Variants in COL4A4 observed in about 807,000 individuals in gnomAD.
The protein encoded by COL4A4 is collagen alpha-4(IV) chain.
A neutral mutation model predicts 192.9 loss-of-function variants in COL4A4; 105 were observed. That is an observed-to-expected ratio of 0.54 (90% CI 0.46 to 0.64). The LOEUF is 0.64. Ranked by LOEUF, COL4A4 falls within the 30% of genes least tolerant of loss-of-function variation. The probability of loss-of-function intolerance (pLI) is 0.00; values close to 1 mark genes in which losing one functional copy is unlikely to be tolerated. For missense variants in COL4A4, 1,967 were observed against 2,169.3 expected, an observed-to-expected ratio of 0.91 and a Z score of 1.85; for synonymous variants, 762 against 769.9, an observed-to-expected ratio of 0.99 and a Z score of 0.17.
At chr2:227,142,111 A>C (rs911071556) in intron 3 of COL4A4, among the ~76,000 whole-genome samples, 31 of 150,698 alleles carry the variant, frequency 2.1e-4, no homozygotes, top group East Asian at 1.2e-3. Flanking sequence ...AAAAAAAAAA[A>C]AAAAAAACAG....
intron 4 of COL4A4, among the ~76,000 whole-genome samples, chr2:227,137,348 G>T (rs2062888149): frequency 6.6e-6 from 1 of 152,174 alleles, no homozygotes; most frequent in South Asian, 2.1e-4. Flanking sequence ...CCCAGCAGTT[G>T]GTACCTTCGT....
rs115754830 is a variant in COL4A4, at chr2:227,047,677, T to C, written c.3215-128A>G. ...ATTTTAGGAGAGTGTTTTTAAATACTTTTATTCTAAATAAGAACAAATAGA... is the reference window on the plus strand; with the variant it reads ...ATTTTAGGAGAGTGTTTTTAAATACCTTTATTCTAAATAAGAACAAATAGA... On this transcript the variant is annotated intron_variant, in intron 34 of 47. Coordinates refer to ENST00000396625, the MANE Select transcript of COL4A4 (RefSeq NM_000092.5). The C allele has an allele frequency of 1.9e-3, 1,290 of 670,458 alleles. 16 individuals are homozygous for C. In the African/African-American group the frequency reaches 0.02, roughly 11 times the overall value. The allele number at this position is 670,458 out of a possible 1,614,324, so 41.5% of individuals were successfully genotyped here.
In COL4A4 at chr2:227,150,276, G is replaced by A. The variant is rs139226757; in HGVS notation, c.-101-2692C>T. 2.0e-5 allele frequency among the ~76,000 whole-genome samples: 3 copies of A among 152,234 alleles called. No homozygotes were observed. In the East Asian group the frequency reaches 5.8e-4, roughly 29 times the overall value. On this transcript the variant is annotated intron_variant, in intron 1 of 47. Coordinates refer to ENST00000396625, the MANE Select transcript of COL4A4 (RefSeq NM_000092.5). ...AAACTGACACTTTGATCACATGTAG[G>A]ATATCAAGTCACTTAATTCTTACCA... is the stretch of plus-strand genomic sequence containing the variant.
chr2:227,067,041 A>G (rs1343270286), intron 25 of COL4A4, among the ~76,000 whole-genome samples: 1 of 151,572 alleles, frequency 6.6e-6, no homozygotes, highest in Non-Finnish European at 1.5e-5. Flanking sequence ...GCAAATGGAA[A>G]ACAAAAAAAG....
At chr2:226,968,519 A>T in the COL4A4 span, among the ~76,000 whole-genome samples, 1 of 152,190 alleles carries the variant, frequency 6.6e-6, no homozygotes, top group Non-Finnish European at 1.5e-5. Flanking sequence ...CTGATTATGG[A>T]CTTTAATCAC....
chr2:227,016,897 A>G (rs1965003402), intron 44 of COL4A4, among the ~76,000 whole-genome samples: 1 of 152,170 alleles, frequency 6.6e-6, no homozygotes, highest in Admixed American at 6.5e-5. Context: ...CCGCCTCCCC[A>G]TCTGGGTGAG....
intron 25 of COL4A4, among the ~76,000 whole-genome samples, chr2:227,075,958 T>C (rs183654484): frequency 4.6e-5 from 7 of 152,196 alleles, no homozygotes; most frequent in Admixed American, 3.9e-4. Context: ...CAAGGAGAAC[T>C]ACAAACTACT....
At chr2:227,111,538 T>G in intron 9 of COL4A4, 140 bp downstream of exon 9, 2 of 893,966 alleles carry the variant, frequency 2.2e-6, no homozygotes, top group Admixed American at 3.6e-5. Flanking sequence ...GCTTAATAAT[T>G]TTTGAACAGG....
At position 227,099,752 on chromosome 2, in the gene COL4A4, T is replaced by G; in HGVS notation, c.1030-63A>C. 2.9e-6 allele frequency: 4 copies of G among 1,396,424 alleles called. No individual in the cohort carries two copies. In the South Asian group the frequency reaches 4.7e-5, roughly 16 times the overall value. The allele number at this position is 1,396,424 out of a possible 1,614,324, so 86.5% of individuals were successfully genotyped here. A position where few individuals can be genotyped will look rare whatever the true frequency, so the allele number is the denominator to read the frequency against. On this transcript the variant is annotated intron_variant, in intron 17 of 47. Transcript: ENST00000396625. Reference sequence around the variant, plus strand: ...TAATTTTACTCATGTTGCCTGGCATTAAACCAGTATTAGAACGATCATGTG... The same window carrying G: ...TAATTTTACTCATGTTGCCTGGCATGAAACCAGTATTAGAACGATCATGTG...
intron 13 of COL4A4, 112 bp from the exon 14 acceptor site, chr2:227,103,309 ATCTT>A: frequency 2.4e-6 from 2 of 816,842 alleles, no homozygotes; most frequent in Non-Finnish European, 4.0e-6. Flanking sequence ...AAAAAAAAAA[ATCTT>A]AAGAGATTAC....
intron 19 of COL4A4, among the ~76,000 whole-genome samples, chr2:227,094,915 T>A (rs1262081318): frequency 6.6e-6 from 1 of 152,158 alleles, no homozygotes; most frequent in Non-Finnish European, 1.5e-5. Context: ...AAATAAGTGA[T>A]GTATAAAGTT....
rs1961813140 is a variant in COL4A4 at position 227,005,117 on chromosome 2, G to A, written c.*2208C>T. On this transcript the variant is annotated 3_prime_UTR_variant, in exon 48 of 48. Transcript: ENST00000396625. Reference sequence around the variant, plus strand: ...AATGCTGCATTTAGAGACAGCTCTTGTAATACTAACATTTTGAACAGTCTG... The same window carrying A: ...AATGCTGCATTTAGAGACAGCTCTTATAATACTAACATTTTGAACAGTCTG... The A allele has an allele frequency of 1.3e-5, 2 of 152,024 alleles. No homozygotes were observed. Among genetic ancestry groups the A allele is most frequent in the Admixed American group, 1.3e-4 (2 of 15,256 alleles). 9.4% of individuals were successfully genotyped at this position (152,024 alleles called of 1,614,324 possible).
At chr2:226,982,341 G>A in the COL4A4 span, among the ~76,000 whole-genome samples, 2 of 152,208 alleles carry the variant, frequency 1.3e-5, no homozygotes, top group Non-Finnish European at 2.9e-5. Flanking sequence ...CTCCTAGGCC[G>A]CAGATAATCT....
At chr2:227,009,709 AAGAGG>A (rs1344543377) in intron 46 of COL4A4, among the ~76,000 whole-genome samples, 16 of 127,764 alleles carry the variant, frequency 1.3e-4, no homozygotes, top group East Asian at 1.1e-3. Context: ...AAAAAAAAAA[AAGAGG>A]AAAAGAGAAG....
At chr2:227,157,513 G>T (rs1039110778) in intron 1 of COL4A4, among the ~76,000 whole-genome samples, 1 of 151,860 alleles carries the variant, frequency 6.6e-6, no homozygotes, top group African/African-American at 2.4e-5. Context: ...ATTAGTAGTT[G>T]GTTCTGTATA....
At chr2:227,129,624 G>C (rs1430326962) in intron 4 of COL4A4, among the ~76,000 whole-genome samples, 1 of 152,068 alleles carries the variant, frequency 6.6e-6, no homozygotes, top group Non-Finnish European at 1.5e-5. Context: ...GGCCAGGCTG[G>C]TCTCGAACTC....
At chr2:226,984,639 C>G in the COL4A4 span, among the ~76,000 whole-genome samples, 1 of 152,200 alleles carries the variant, frequency 6.6e-6, no homozygotes, top group East Asian at 1.9e-4. Flanking sequence ...ACAGCAACAG[C>G]TAACGCCCTG....
intron 1 of COL4A4, among the ~76,000 whole-genome samples, chr2:227,153,062 G>A (rs1401244092): frequency 6.6e-6 from 1 of 152,114 alleles, no homozygotes; most frequent in Non-Finnish European, 1.5e-5. Flanking sequence ...ATGGTGGCAG[G>A]CAAGAGAGAA....
chr2:227,142,809 TA>T (rs2125327383), intron 3 of COL4A4, among the ~76,000 whole-genome samples: 1 of 152,160 alleles, frequency 6.6e-6, no homozygotes, highest in South Asian at 2.1e-4. Context: ...CTTATACTTG[TA>T]ATTCCATCTT....
Sources: allele counts gnomAD v4.1 joint callset (sites outside exome capture counted in the v4.1 genomes callset), GRCh38; gene constraint gnomAD v4.1.1; transcripts MANE v1.5; gene names NCBI Gene and HGNC (gene_info 2026-07-23, HGNC 2026-07-21).